Variants in NHSL1 observed in about 807,000 individuals in gnomAD.
NHSL1 encodes NHS like 1.
In NHSL1, 48 loss-of-function variants were observed where a neutral mutation model predicts 95.0. That is an observed-to-expected ratio of 0.51 (90% CI 0.40 to 0.64). NHSL1 has a LOEUF of 0.64. Ranked by LOEUF, NHSL1 falls within the 30% of genes least tolerant of loss-of-function variation. NHSL1 has a pLI of 0.00. For missense variants in NHSL1, 1,971 were observed against 2,077.7 expected (o/e 0.95, Z 1.00); for synonymous variants, 783 against 833.9 (o/e 0.94, Z 1.05).
At position 138,424,251 on chromosome 6, in the gene NHSL1, AAC is replaced by A; in HGVS notation, c.4649_4650del (p.Cys1550PhefsTer62). The A allele has an allele frequency of 6.6e-7, 1 of 1,505,280 alleles. No individual in the cohort carries two copies. Among genetic ancestry groups the A allele is most frequent in the Non-Finnish European group, 8.9e-7 (1 of 1,125,904 alleles). The allele number at this position is 1,505,280 out of a possible 1,614,324, so 93.2% of individuals were successfully genotyped here. On this transcript the variant is annotated frameshift_variant, in exon 8 of 8. Transcript: ENST00000343505. LOFTEE classifies it low-confidence loss of function (END_TRUNC). This position sits in a 1 kb window ranked among gnomAD's most constrained non-coding sequence, Gnocchi z 5.9. ...TCCTCCCTCGCCAGTCCGTCCAGGG[AAC>A]ATCCCTCCGCAGCGCCCAGAGCCCC... ...ARGALGAAEG[C>X]SLDGLAREEM...
At chr6:138,600,302 T>G (rs937120074) in intron 1 of NHSL1, among the ~76,000 whole-genome samples, 1 of 152,210 alleles carries the variant, frequency 6.6e-6, no homozygotes, top group Non-Finnish European at 1.5e-5. Flanking sequence ...AGCACAATGA[T>G]GGCTCATGGC....
chr6:138,598,650 A>G (rs2114551484), intron 1 of NHSL1, among the ~76,000 whole-genome samples: 1 of 147,422 alleles, frequency 6.8e-6, no homozygotes, highest in South Asian at 2.2e-4. Flanking sequence ...AAAAAAAAGC[A>G]GCATTTTTCT....
Position 138,432,506 on chromosome 6 carries a change from A to C in NHSL1, c.1839T>G (p.Thr613=). ...GATTCCCAGATCCATGTCCAGAGTCAGTGTGCACAGATGCACAGTAGCCAT... is the reference window on the plus strand; with the variant it reads ...GATTCCCAGATCCATGTCCAGAGTCCGTGTGCACAGATGCACAGTAGCCAT... ...DHDGYCASVH[T]DSGHGSGNLC... Residue 613 remains threonine (T), a synonymous_variant, in exon 6 of 8, where the codon ACT becomes ACG. Transcript: ENST00000343505. The surrounding 1 kb of genome is among the most constrained non-coding windows in gnomAD (Gnocchi z 4.4). The C allele has an allele frequency of 6.4e-7, 1 of 1,552,270 alleles. No homozygotes were observed.
chr6:138,523,888 T>C (rs1269719796), intron 1 of NHSL1, among the ~76,000 whole-genome samples: 1 of 152,184 alleles, frequency 6.6e-6, no homozygotes, highest in Admixed American at 6.5e-5. Flanking sequence ...GAATAGTCTT[T>C]AGGGAAACAA....
At chr6:138,520,703 C>A (rs1029861405) in intron 1 of NHSL1, among the ~76,000 whole-genome samples, 21 of 152,158 alleles carry the variant, frequency 1.4e-4, no homozygotes, top group Non-Finnish European at 2.5e-4. Flanking sequence ...CAGATACTGC[C>A]TATGACAGAG....
chr6:138,516,915 G>C (rs926645215), intron 1 of NHSL1, among the ~76,000 whole-genome samples: 8 of 152,130 alleles, frequency 5.3e-5, no homozygotes, highest in Non-Finnish European at 1.2e-4. Context: ...GATTACAGGC[G>C]CGAGCCACTG....
In NHSL1 at chr6:138,431,675, G is replaced by A. The variant is rs549800726; in HGVS notation, c.2670C>T (p.Ser890=). 6.4e-7 allele frequency: 1 copy of A among 1,551,696 alleles called. No homozygotes were observed. The highest frequency in any genetic ancestry group is 1.4e-5 in the African/African-American group (1 of 73,170). ...AAATGGATACTGAAGATATCAGAGA[G>A]GACTTCCTTTCTGGTACCTTGGGCT... ...KPKPKVPERK[S]SLISSVSISS... Residue 890 remains serine (S), a synonymous_variant, in exon 6 of 8, where the codon TCC becomes TCT. Coordinates refer to ENST00000343505, the MANE Select transcript of NHSL1 (RefSeq NM_001144060.2). The surrounding 1 kb of genome is among the most constrained non-coding windows in gnomAD (Gnocchi z 4.0).
intron 1 of NHSL1, among the ~76,000 whole-genome samples, chr6:138,689,690 A>C (rs1441308593): frequency 3.9e-5 from 6 of 152,178 alleles, no homozygotes; most frequent in Admixed American, 1.3e-4. Context: ...AGACTCATTA[A>C]ATGGTTTATC....
intron 1 of NHSL1, among the ~76,000 whole-genome samples, chr6:138,685,403 TGCACTTTTTAAA>T (rs1479958777): frequency 6.6e-6 from 1 of 152,192 alleles, no homozygotes; most frequent in East Asian, 1.9e-4. Flanking sequence ...ATAATGACAT[TGCACTTTTTAAA>T]GCTGAGGAGG....
In NHSL1 at chr6:138,620,491, C is replaced by T. The variant is rs564264877; in HGVS notation, c.96+71985G>A. Among the ~76,000 whole-genome samples, 20 of 151,798 alleles carry T rather than the reference C, an allele frequency of 1.3e-4. 1 individual carries two copies. The South Asian group carries it at 1.7e-3, about 13-fold the overall frequency. Reference sequence around the variant, plus strand: ...ATATTACTACAATGATGAAATATGACGAAGTCAAAAAGCTAAACTTTGTAT... The same window carrying T: ...ATATTACTACAATGATGAAATATGATGAAGTCAAAAAGCTAAACTTTGTAT... On this transcript the variant is annotated intron_variant, in intron 1 of 3. Transcript: ENST00000491526.
intron 1 of NHSL1, among the ~76,000 whole-genome samples, chr6:138,587,637 G>C (rs1784158700): frequency 6.6e-6 from 1 of 151,922 alleles, no homozygotes; most frequent in Non-Finnish European, 1.5e-5. Context: ...AGCTGATTCT[G>C]TGTTTCAAAG....
chr6:138,476,173 T>C (rs576852890), intron 2 of NHSL1, among the ~76,000 whole-genome samples: 1 of 152,086 alleles, frequency 6.6e-6, no homozygotes, highest in Non-Finnish European at 1.5e-5. Context: ...GACATCATTA[T>C]AGAAAAAAGA....
chr6:138,424,306 G>C lies in NHSL1; in HGVS notation c.4596C>G (p.Ala1532=). The C allele has an allele frequency of 1.3e-6, 2 of 1,519,400 alleles. No homozygotes were observed. The highest frequency in any genetic ancestry group is 1.8e-6 in the Non-Finnish European group (2 of 1,129,536). The allele number at this position is 1,519,400 out of a possible 1,614,324, so 94.1% of individuals were successfully genotyped here. A position where few individuals can be genotyped will look rare whatever the true frequency, so the allele number is the denominator to read the frequency against. Residue 1532 remains alanine, a synonymous_variant, in exon 8 of 8, where the codon GCC becomes GCG. Transcript: ENST00000343505. This position sits in a 1 kb window ranked among gnomAD's most constrained non-coding sequence, Gnocchi z 5.9. ...GGGCTATGCTGTCCACAGGCTCCAC[G>C]GCTTCCCCTTCTCCCTCCGAGATGA... ...MTVISEGEGE[A]VEPVDSIARG...
At chr6:138,639,741 G>A (rs1784934622) in intron 1 of NHSL1, among the ~76,000 whole-genome samples, 1 of 143,282 alleles carries the variant, frequency 7.0e-6, no homozygotes, top group African/African-American at 2.7e-5. Flanking sequence ...GGGAGGCAGA[G>A]GTTGCAGTGA....
intron 7 of NHSL1, among the ~76,000 whole-genome samples, chr6:138,426,531 G>A (rs1451428369): frequency 6.6e-6 from 1 of 152,222 alleles, no homozygotes; most frequent in Admixed American, 6.5e-5. Flanking sequence ...ACTCATGAAT[G>A]CAGTGATAGC....
Position 138,424,806 on chromosome 6 carries a change from T to C in NHSL1, c.4096A>G (p.Lys1366Glu). The change falls in exon 8 of 8, where the codon AAA becomes GAA. Residue 1366 changes from lysine to glutamate, a missense_variant. Transcript: ENST00000343505. The surrounding 1 kb of genome is among the most constrained non-coding windows in gnomAD (Gnocchi z 5.9). Reference protein sequence around the residue: ...LFAAIHRSKRKVLGRRDSDDD... With the variant: ...LFAAIHRSKREVLGRRDSDDD... ...TCTGAATCTCTACGGCCGAGGACTT[T>C]CCTTTTGGATCTGAGATTTAATAAC... 1 of 1,548,710 alleles carries C rather than the reference T, an allele frequency of 6.5e-7. No homozygotes were observed. Among genetic ancestry groups the C allele is most frequent in the Non-Finnish European group, 8.7e-7 (1 of 1,145,162 alleles).
chr6:138,605,342 C>T (rs1008673393), intron 1 of NHSL1, among the ~76,000 whole-genome samples: 2 of 152,240 alleles, frequency 1.3e-5, no homozygotes, highest in Admixed American at 6.5e-5. Flanking sequence ...CCTCCCACCT[C>T]AGCCTCCCGG....
upstream of NHSL1, among the ~76,000 whole-genome samples, chr6:138,502,134 T>C (rs564723737): frequency 1.4e-4 from 21 of 152,262 alleles, no homozygotes; most frequent in African/African-American, 4.8e-4. Context: ...CTCTGTGCAT[T>C]ATTCCACACT....
chr6:138,605,014 C>A (rs1260675638), intron 1 of NHSL1, among the ~76,000 whole-genome samples: 3 of 152,150 alleles, frequency 2.0e-5, no homozygotes, highest in Non-Finnish European at 4.4e-5. Flanking sequence ...TTTTCTTTTA[C>A]CTTTTCTTCT....
Sources: allele counts gnomAD v4.1 joint callset (sites outside exome capture counted in the v4.1 genomes callset), GRCh38; gene constraint gnomAD v4.1.1; non-coding constraint Gnocchi (gnomAD v3.1); transcripts MANE v1.5; gene names NCBI Gene and HGNC (gene_info 2026-07-23, HGNC 2026-07-21).